Variants in PSG2 observed in about 807,000 individuals in gnomAD.
PSG2 encodes pregnancy-specific beta-1-glycoprotein 2.
In PSG2, 49 loss-of-function variants were observed where a neutral mutation model predicts 36.2. That is an observed-to-expected ratio of 1.35 (90% confidence interval 1.08 to 1.72). The LOEUF (loss-of-function observed/expected upper bound fraction) is 1.72. PSG2 is among the 40% of genes most tolerant of loss of function. PSG2 has a pLI of 0.00. For synonymous variants in PSG2, 261 were observed against 155.6 expected (o/e 1.68, Z -5.04); for missense variants, 605 against 407.2 (o/e 1.49, Z -4.18).
chr19:43,071,023 C>G (rs1190227538), intron 4 of PSG2, among the ~76,000 whole-genome samples: 4 of 151,634 alleles, frequency 2.6e-5, no homozygotes, highest in Non-Finnish European at 1.5e-5. Flanking sequence ...ACTTCAGAGC[C>G]AGGACCAGGC....
intron 2 of PSG2, among the ~76,000 whole-genome samples, chr19:43,078,329 C>T (rs1967925649): frequency 1.3e-5 from 2 of 151,716 alleles, no homozygotes; most frequent in South Asian, 4.1e-4. Context: ...AGGAGGGAAC[C>T]GAATTCTGCT....
At chr19:43,074,360 T>C (rs190407842) in intron 3 of PSG2, among the ~76,000 whole-genome samples, 4 of 151,892 alleles carry the variant, frequency 2.6e-5, no homozygotes, top group Non-Finnish European at 5.9e-5. Flanking sequence ...TGATATCGTC[T>C]TTAATTTCTT....
At chr19:43,071,485 T>C (rs1196989393) in intron 4 of PSG2, among the ~76,000 whole-genome samples, 2 of 151,520 alleles carry the variant, frequency 1.3e-5, no homozygotes, top group Non-Finnish European at 2.9e-5. Flanking sequence ...TCCCTACCTT[T>C]CTCAGGCGAG....
chr19:43,066,555 T>G lies in PSG2; in HGVS notation c.*2A>C, dbSNP rs1472490804. The G allele has an allele frequency of 6.3e-7, 1 of 1,595,888 alleles. No homozygotes were observed. The highest frequency in any genetic ancestry group is 8.6e-7 in the Non-Finnish European group (1 of 1,164,306). ...TGAAATACAGAAATGACATCACAGC[T>G]GCTATGTTGGATTAAGGAGAGGAAG... is the stretch of plus-strand genomic sequence containing the variant. On this transcript the variant is annotated 3_prime_UTR_variant, in exon 5 of 6. Transcript: ENST00000406487.
At chr19:43,075,255 G>C in intron 3 of PSG2, 99 bp downstream of exon 3, 1 of 1,608,412 alleles carries the variant, frequency 6.2e-7, no homozygotes, top group Non-Finnish European at 8.5e-7. Context: ...AGGGGTAAAG[G>C]TCTCTGTACT....
At chr19:43,071,561 G>A (rs2122901121) in intron 4 of PSG2, 139 bp downstream of exon 4, 8 of 1,598,040 alleles carry the variant, frequency 5.0e-6, no homozygotes, top group African/African-American at 1.4e-5. Flanking sequence ...CAAATTGGGA[G>A]GGTTCAGGAG....
At position 43,081,260 on chromosome 19, in the gene PSG2, A is replaced by G. The variant is rs759952224; in HGVS notation, c.65-14T>C. 1.4e-5 allele frequency: 23 copies of G among 1,608,454 alleles called. No homozygotes were observed. In the Admixed American group the frequency reaches 3.9e-4, roughly 27 times the overall value. ...TTAAAAGTGATGCTAGGAGGTGGAGAGAGCATCAGACAATATTGAGACCTA... is the reference window on the plus strand; with the variant it reads ...TTAAAAGTGATGCTAGGAGGTGGAGGGAGCATCAGACAATATTGAGACCTA... On this transcript the variant is annotated splice_polypyrimidine_tract_variant and intron_variant, in intron 1 of 5. Transcript: ENST00000406487.
At chr19:43,082,232 C>T in intron 1 of PSG2, 1 of 358,858 alleles carries the variant, frequency 2.8e-6, no homozygotes, top group South Asian at 2.7e-5. Context: ...CTTCTGCCTC[C>T]TGGGTTCACG....
At chr19:43,074,875 C>T (rs550904199) in intron 3 of PSG2, among the ~76,000 whole-genome samples, 9 of 151,416 alleles carry the variant, frequency 5.9e-5, no homozygotes, top group African/African-American at 2.2e-4. Flanking sequence ...GGGTGAGTGT[C>T]TGTGAGGCAG....
chr19:43,072,117 T>C (rs537851344), intron 3 of PSG2, among the ~76,000 whole-genome samples, 163 bp from the exon 4 acceptor site: 17 of 151,560 alleles, frequency 1.1e-4, no homozygotes, highest in Non-Finnish European at 2.4e-4. Flanking sequence ...ATTCACCTGT[T>C]TCTCCCACCA....
At chr19:43,068,368 G>A (rs1254278334) in intron 4 of PSG2, among the ~76,000 whole-genome samples, 1 of 151,030 alleles carries the variant, frequency 6.6e-6, no homozygotes, top group Non-Finnish European at 1.5e-5. Flanking sequence ...GAGCCCAGGA[G>A]GTTGAGGCTG....
chr19:43,081,019 G>T lies in PSG2; in HGVS notation c.292C>A (p.Arg98=). The part of the protein sequence containing the change: ...IIIYGPAYSG[R]ETAYSNASLL... ...GATGCATTGGAATATGCTGTTTCTC[G>T]TCCACTATATGCAGGCCCATATATA... The change falls in exon 2 of 6, where the codon CGA becomes AGA. Residue 98 remains arginine (R), a synonymous_variant. Coordinates refer to ENST00000406487, the MANE Select transcript of PSG2 (RefSeq NM_031246.4). 1 of 1,612,954 alleles carries T rather than the reference G, an allele frequency of 6.2e-7. No homozygotes were observed. The highest frequency in any genetic ancestry group is 2.2e-5 in the East Asian group (1 of 44,862).
chr19:43,066,302 C>T (rs2060712808), intron 5 of PSG2, among the ~76,000 whole-genome samples: 1 of 151,568 alleles, frequency 6.6e-6, no homozygotes, highest in Non-Finnish European at 1.5e-5. Context: ...AACAAATGAG[C>T]AGAGGCTGGA....
At chr19:43,067,606 G>C (rs536477220) in intron 4 of PSG2, among the ~76,000 whole-genome samples, 1 of 151,326 alleles carries the variant, frequency 6.6e-6, no homozygotes, top group East Asian at 1.9e-4. Flanking sequence ...CAGAAGCTTA[G>C]CGTGGTGTAA....
rs1255416219 is a variant in PSG2, at chr19:43,066,724, C to G, written c.965-124G>C. 3.9e-5 allele frequency: 53 copies of G among 1,373,104 alleles called. 1 individual carries two copies. Among genetic ancestry groups the G allele is most frequent in the Non-Finnish European group, 5.1e-5 (51 of 995,926 alleles). The allele number at this position is 1,373,104 out of a possible 1,614,324, so 85.1% of individuals were successfully genotyped here. A position where few individuals can be genotyped will look rare whatever the true frequency, so the allele number is the denominator to read the frequency against. On this transcript the variant is annotated intron_variant, in intron 4 of 5. Transcript: ENST00000406487. ...TTTCTTCAAGGACCACATTATTTCT[C>G]TTGGAATATTGATGGGAGATGATTA...
intron 4 of PSG2, among the ~76,000 whole-genome samples, chr19:43,071,212 C>A (rs1206792377): frequency 1.3e-5 from 2 of 151,678 alleles, no homozygotes; most frequent in African/African-American, 2.4e-5. Flanking sequence ...ACCAGAGGAG[C>A]CCAGAGCAGA....
rs1058095 is a variant in PSG2 at position 43,071,899 on chromosome 19, A to C, written c.765T>G (p.Asp255Glu). The change falls in exon 4 of 6, where the codon GAT becomes GAG. Residue 255 changes from aspartate to glutamate, a missense_variant. Coordinates refer to ENST00000406487, the MANE Select transcript of PSG2 (RefSeq NM_031246.4). ...HPSYTNYRSG[D>E]NLYLSCFANS... ...TCGCGAAGCAAGACAAGTAGAGGTT[A>C]TCTCCTGAACGGTAATTGGTGTATG... 5 of 1,612,820 alleles carry C rather than the reference A, an allele frequency of 3.1e-6. No homozygotes were observed. Among genetic ancestry groups the C allele is most frequent in the Non-Finnish European group, 3.4e-6 (4 of 1,179,310 alleles).
Position 43,068,256 on chromosome 19 carries a change from G to C in PSG2, c.965-1656C>G, listed in dbSNP as rs184631983. ...TTTGGACCAGCATAGGTAACCTGGG[G>C]AGACGCTGTGTGTACAAAAAAATAA... On this transcript the variant is annotated intron_variant, in intron 4 of 5. Coordinates refer to ENST00000406487, the MANE Select transcript of PSG2 (RefSeq NM_031246.4). Among the ~76,000 whole-genome samples the C allele has an allele frequency of 4.0e-3, 607 of 151,370 alleles. 33 individuals are homozygous for C. The highest frequency in any genetic ancestry group is 0.014 in the African/African-American group (582 of 40,972).
At chr19:43,065,595 C>T (rs922802588) in intron 5 of PSG2, 24 of 151,664 alleles carry the variant, frequency 1.6e-4, no homozygotes, top group African/African-American at 5.6e-4. Flanking sequence ...TCAGATTTCT[C>T]TGATTTCTTG....
Sources: gnomAD v4.1 joint callset for allele counts (sites outside exome capture counted in the v4.1 genomes callset) on GRCh38, gnomAD v4.1.1 for gene constraint, MANE v1.5 for transcripts, NCBI Gene and HGNC (gene_info 2026-07-23, HGNC 2026-07-21) for gene names.